The following LIN7A variants were observed in gnomAD, a reference collection of about 807,000 sequenced individuals.
LIN7A encodes lin-7 cell polarity scaffold A, also known as protein lin-7 homolog A.
LIN7A carries 25 observed loss-of-function variants against 29.8 expected under a neutral mutation model. The ratio of observed to expected loss-of-function variants is 0.84; its 90% CI spans 0.61 to 1.17. The LOEUF is 1.17. Among genes scored for constraint, LIN7A ranks in the 50% most tolerant of loss-of-function variants. The pLI, the probability that LIN7A is intolerant of heterozygous loss-of-function variation, is 0.00. For synonymous variants in LIN7A, 118 were observed against 107.5 expected (o/e 1.10, Z -0.60); for missense variants, 239 against 287.0 (o/e 0.83, Z 1.21).
At chr12:80,925,274 T>C (rs1332560788) in intron 1 of LIN7A, among the ~76,000 whole-genome samples, 7 of 152,174 alleles carry the variant, frequency 4.6e-5, no homozygotes. Context: ...TCAAGAAGTA[T>C]GTGATTTGGG....
intron 4 of LIN7A, among the ~76,000 whole-genome samples, chr12:80,840,117 A>G (rs972899287): frequency 8.5e-5 from 13 of 152,116 alleles, no homozygotes; most frequent in African/African-American, 3.1e-4. Context: ...AGTACCAGTA[A>G]AATATCACCT....
At chr12:80,808,507 CTT>C (rs200750392) in intron 5 of LIN7A, among the ~76,000 whole-genome samples, 50 of 137,318 alleles carry the variant, frequency 3.6e-4, no homozygotes, top group Admixed American at 4.5e-4. Flanking sequence ...TTTCTTTTTT[CTT>C]TTTTTTTTTT....
At chr12:80,919,412 A>AG (rs1877186600) in intron 1 of LIN7A, among the ~76,000 whole-genome samples, 1 of 152,218 alleles carries the variant, frequency 6.6e-6, no homozygotes, top group Non-Finnish European at 1.5e-5. Context: ...CAAATAAGTG[A>AG]GAAAAATCCA....
At chr12:80,913,731 A>G (rs888998729) in intron 1 of LIN7A, among the ~76,000 whole-genome samples, 2 of 152,224 alleles carry the variant, frequency 1.3e-5, no homozygotes, top group Non-Finnish European at 2.9e-5. Flanking sequence ...CAATGATGCT[A>G]GTCGAATAAA....
At chr12:80,832,665 T>TC (rs771542667) in intron 4 of LIN7A, 19 of 444,350 alleles carry the variant, frequency 4.3e-5, no homozygotes, top group South Asian at 2.9e-4. Context: ...CTCCAGGCCA[T>TC]CCCTTCAACT....
intron 1 of LIN7A, among the ~76,000 whole-genome samples, chr12:80,889,821 A>G (rs1029846570): frequency 6.6e-6 from 1 of 152,106 alleles, no homozygotes; most frequent in African/African-American, 2.4e-5. Context: ...GTTTGCCTAT[A>G]AACTTCTTGA....
chr12:80,869,394 C>A (rs905607048), intron 2 of LIN7A, among the ~76,000 whole-genome samples: 1 of 152,060 alleles, frequency 6.6e-6, no homozygotes, highest in Admixed American at 6.6e-5. Flanking sequence ...TATCACACTT[C>A]TAACCAGCTC....
At chr12:80,856,606 A>G (rs561250714) in intron 2 of LIN7A, among the ~76,000 whole-genome samples, 15 of 152,262 alleles carry the variant, frequency 9.9e-5, no homozygotes, top group Admixed American at 4.6e-4. Context: ...TATTAGCTCC[A>G]TTACTTTCAT....
intron 2 of LIN7A, among the ~76,000 whole-genome samples, chr12:80,857,469 T>C (rs7133779): frequency 0.016 from 2,383 of 152,162 alleles, 78 homozygotes; most frequent in African/African-American, 0.055. Flanking sequence ...TAGAATACCA[T>C]CTTAATAGCA....
intron 5 of LIN7A, among the ~76,000 whole-genome samples, chr12:80,807,080 T>TTTTTTTGTTTG (rs1565883878): frequency 7.4e-6 from 1 of 134,686 alleles, no homozygotes. Flanking sequence ...TTTTTTTTTT[T>TTTTTTTGTTTG]TTTTTTTTTT....
chr12:80,889,913 C>G (rs1460891449), intron 1 of LIN7A, among the ~76,000 whole-genome samples: 1 of 152,090 alleles, frequency 6.6e-6, no homozygotes, highest in Non-Finnish European at 1.5e-5. Context: ...TGCACTTTTT[C>G]CATTTCACTG....
intron 1 of LIN7A, among the ~76,000 whole-genome samples, chr12:80,920,835 A>G (rs1877262070): frequency 6.6e-6 from 1 of 152,212 alleles, no homozygotes; most frequent in Admixed American, 6.5e-5. Context: ...AACTAAGCAA[A>G]AAACAGGAAT....
At chr12:80,904,652 A>G (rs1254037320) in intron 1 of LIN7A, among the ~76,000 whole-genome samples, 1 of 152,200 alleles carries the variant, frequency 6.6e-6, no homozygotes, top group African/African-American at 2.4e-5. Context: ...AAAATGTGGT[A>G]TACATACACA....
In LIN7A at chr12:80,811,517, T is replaced by G; in HGVS notation, c.650A>C (p.Gln217Pro). 1 of 1,608,396 alleles carries G rather than the reference T, an allele frequency of 6.2e-7. No homozygotes were observed. Among genetic ancestry groups the G allele is most frequent in the East Asian group, 2.2e-5 (1 of 44,756 alleles). ...RRRQQQQLLI[Q>P]QQQQQQQQQT... ...TTGCTGCTGCTGCTGTTGCTGCTGC[T>G]GAATTAGCAATTGCTGCTGCTGCCG... Residue 217 changes from glutamine (Q) to proline (P), a missense_variant, in exon 5 of 6, where the codon CAG becomes CCG. By Grantham distance (76) the Gln-to-Pro change is moderately conservative (BLOSUM62 -1). Transcript: ENST00000552864.
chr12:80,864,887 T>C (rs750415540), intron 2 of LIN7A, among the ~76,000 whole-genome samples: 7 of 152,142 alleles, frequency 4.6e-5, no homozygotes, highest in Non-Finnish European at 1.0e-4. Flanking sequence ...TTAAATCCTA[T>C]AAAAATCTAA....
chr12:80,848,366 A>G, intron 2 of LIN7A, 44 bp from the exon 3 acceptor site: 1 of 1,355,576 alleles, frequency 7.4e-7, no homozygotes, highest in Non-Finnish European at 1.1e-6. Context: ...GAACATGAAG[A>G]ATAATAATTC....
chr12:80,906,202 A>AGCTGGTTT (rs1876467192), intron 1 of LIN7A, among the ~76,000 whole-genome samples: 1 of 152,142 alleles, frequency 6.6e-6, no homozygotes, highest in Non-Finnish European at 1.5e-5. Flanking sequence ...AAAAATGAAG[A>AGCTGGTTT]GCTGGTTTGT....
chr12:80,933,651 T>A (rs1878042192), intron 1 of LIN7A, among the ~76,000 whole-genome samples: 3 of 152,130 alleles, frequency 2.0e-5, no homozygotes, highest in Non-Finnish European at 4.4e-5. Context: ...TATTCTTCCC[T>A]CTCTCACTTT....
At chr12:80,933,570 T>C (rs931555025) in intron 1 of LIN7A, among the ~76,000 whole-genome samples, 1 of 152,230 alleles carries the variant, frequency 6.6e-6, no homozygotes, top group Non-Finnish European at 1.5e-5. Flanking sequence ...AAATTTCAAC[T>C]AATCTGAAAT....
Sources: allele counts gnomAD v4.1 joint callset (sites outside exome capture counted in the v4.1 genomes callset), GRCh38; gene constraint gnomAD v4.1.1; transcripts MANE v1.5; gene names NCBI Gene and HGNC (gene_info 2026-07-23, HGNC 2026-07-21).